MCF2L: variants seen among roughly 807,000 people sequenced by gnomAD.
The protein encoded by MCF2L is MCF.2 cell line derived transforming sequence like, also known as guanine nucleotide exchange factor DBS.
In MCF2L, 97 loss-of-function variants were observed where a neutral mutation model predicts 153.4. The observed-to-expected ratio is 0.63, with a 90% CI of 0.54 to 0.75. The LOEUF (loss-of-function observed/expected upper bound fraction) is 0.75. MCF2L is among the 30% of genes least tolerant of loss of function. MCF2L has a pLI of 0.00. For missense variants in MCF2L, 1,347 were observed against 1,495.2 expected (o/e 0.90, Z 1.64); for synonymous variants, 659 against 632.2 (o/e 1.04, Z -0.64).
intron 1 of MCF2L, among the ~76,000 whole-genome samples, chr13:112,989,802 A>G (rs995935826): frequency 6.6e-6 from 1 of 152,240 alleles, no homozygotes; most frequent in East Asian, 1.9e-4. Context: ...TAATTTGCCA[A>G]TCTCTTAAAC....
chr13:113,035,382 A>G lies in MCF2L; in HGVS notation c.279-9889A>G, dbSNP rs2086091901. 6.6e-6 allele frequency among the ~76,000 whole-genome samples: 1 copy of G among 152,134 alleles called. No homozygotes were observed. The highest frequency in any genetic ancestry group is 2.4e-5 in the African/African-American group (1 of 41,422). Reference sequence around the variant, plus strand: ...GTTTTTAATATTTACAAGCCACAGAATTATTTCCTGCAGCCACAGAGACTT... The same window carrying G: ...GTTTTTAATATTTACAAGCCACAGAGTTATTTCCTGCAGCCACAGAGACTT... On this transcript the variant is annotated intron_variant, in intron 3 of 29. Coordinates refer to ENST00000535094, the MANE Select transcript of MCF2L (RefSeq NM_001112732.3). The surrounding 1 kb of genome is among the most constrained non-coding windows in gnomAD (Gnocchi z 4.4).
rs2033212139 is a variant in MCF2L at position 113,074,291 on chromosome 13, C to CT, written c.997-150dup. On this transcript the variant is annotated intron_variant, in intron 9 of 29. Transcript: ENST00000535094. This position sits in a 1 kb window ranked among gnomAD's most constrained non-coding sequence, Gnocchi z 4.2. ...TTGATTGGTGACCACTCGGGGCCGACTTTGCACCTGTCTGACTGTGGTCCC... is the reference window on the plus strand; with the variant it reads ...TTGATTGGTGACCACTCGGGGCCGACTTTTGCACCTGTCTGACTGTGGTCCC... 6.6e-6 allele frequency among the ~76,000 whole-genome samples: 1 copy of CT among 152,108 alleles called. No individual in the cohort carries two copies. Among genetic ancestry groups the CT allele is most frequent in the Admixed American group, 6.5e-5 (1 of 15,282 alleles).
At chr13:112,966,375 C>G (rs948689592), upstream of MCF2L, among the ~76,000 whole-genome samples, 12 of 152,280 alleles carry the variant, frequency 7.9e-5, no homozygotes, top group African/African-American at 2.6e-4. The surrounding 1 kb of genome is among the most constrained non-coding windows in gnomAD (Gnocchi z 4.1). Context: ...GAGCAGAGCT[C>G]CCTCTTCCTC....
At chr13:113,090,615 A>G in intron 26 of MCF2L, 1 of 985,398 alleles carries the variant, frequency 1.0e-6, no homozygotes, top group Non-Finnish European at 1.2e-6. Flanking sequence ...TGCCCTGCTC[A>G]CCTGCGAGAG....
chr13:113,006,558 G>C (rs1396058917), intron 1 of MCF2L, among the ~76,000 whole-genome samples: 2 of 152,210 alleles, frequency 1.3e-5, no homozygotes, highest in African/African-American at 2.4e-5. Context: ...GCGGACAGGA[G>C]GTCCATGTGA....
chr13:113,042,954 A>G (rs561546850), intron 3 of MCF2L: 2 of 152,280 alleles, frequency 1.3e-5, no homozygotes, highest in East Asian at 3.9e-4. Flanking sequence ...AAAAGGGGAG[A>G]AATTGAGTCA....
At chr13:113,083,878 C>T (rs569831969) in intron 17 of MCF2L, 120 bp from the exon 18 acceptor site, 303 of 770,230 alleles carry the variant, frequency 3.9e-4, no homozygotes, top group African/African-American at 3.7e-3. Context: ...CCAAGTCATG[C>T]GGGGCAGATT....
At position 113,088,644 on chromosome 13, in the gene MCF2L, C is replaced by T; in HGVS notation, c.2834+16C>T. On this transcript the variant is annotated intron_variant, in intron 25 of 29. Transcript: ENST00000535094. ...CCAGCACCAGGTGAGAATGGACACG[C>T]TGCCGCAGGCCTGCGTTTCTGGAGC... 6.2e-7 allele frequency: 1 copy of T among 1,602,256 alleles called. No homozygotes were observed. The highest frequency in any genetic ancestry group is 1.1e-5 in the South Asian group (1 of 90,618).
At chr13:112,970,248 T>A (rs1355973971) in intron 1 of MCF2L, among the ~76,000 whole-genome samples, 1 of 152,232 alleles carries the variant, frequency 6.6e-6, no homozygotes, top group African/African-American at 2.4e-5. Flanking sequence ...TTATGTCATA[T>A]ATGCCATTAC....
chr13:112,961,976 GACATGCACACAC>G (rs1345674498), intron 2 of MCF2L, among the ~76,000 whole-genome samples: 4 of 152,114 alleles, frequency 2.6e-5, no homozygotes, highest in Admixed American at 6.6e-5. Flanking sequence ...ACAGCGAGGG[GACATGCACACAC>G]ACATGCACAC....
intron 1 of MCF2L, among the ~76,000 whole-genome samples, chr13:112,970,440 G>A (rs2082000805): frequency 6.6e-6 from 1 of 152,168 alleles, no homozygotes; most frequent in Admixed American, 6.5e-5. Flanking sequence ...TATGATCAAA[G>A]CTGCTGGGTT....
chr13:113,084,788 G>GATGCGGTGCCCGTCCCTCACCGCGTA, intron 18 of MCF2L, 104 bp from the exon 19 acceptor site: 16 of 848,954 alleles, frequency 1.9e-5, no homozygotes, highest in South Asian at 1.3e-4. Context: ...GACGCTGCGT[G>GATGCGGTGCCCGTCCCTCACCGCGTA]ATGCGGTGCC....
chr13:112,998,123 C>T (rs2083215866), intron 1 of MCF2L, among the ~76,000 whole-genome samples: 1 of 152,234 alleles, frequency 6.6e-6, no homozygotes, highest in Admixed American at 6.5e-5. Flanking sequence ...GTGTTCCGAA[C>T]CCCGTGCACA....
At chr13:113,069,989 C>A in intron 8 of MCF2L, 70 bp from the exon 9 acceptor site, 3 of 1,064,136 alleles carry the variant, frequency 2.8e-6, no homozygotes, top group South Asian at 1.4e-5. Context: ...GTCGCTTGAA[C>A]ACCCACCGCG....
At chr13:112,976,191 C>CGTGTGT (rs56098508) in intron 1 of MCF2L, among the ~76,000 whole-genome samples, 16 of 148,734 alleles carry the variant, frequency 1.1e-4, no homozygotes, top group Non-Finnish European at 2.1e-4. Context: ...TGTGTGTGTG[C>CGTGTGT]GTGTGTGTGT....
intron 1 of MCF2L, among the ~76,000 whole-genome samples, chr13:112,991,896 G>C (rs1322031511): frequency 6.6e-6 from 1 of 152,174 alleles, no homozygotes; most frequent in African/African-American, 2.4e-5. Context: ...ACAATTTCTT[G>C]TTAAAAGCAC....
intron 2 of MCF2L, among the ~76,000 whole-genome samples, chr13:113,015,275 C>T (rs2084432912): frequency 6.6e-6 from 1 of 152,246 alleles, no homozygotes; most frequent in Non-Finnish European, 1.5e-5. Context: ...GTGCCTGCAG[C>T]CATGGGGACA....
intron 2 of MCF2L, among the ~76,000 whole-genome samples, chr13:112,905,218 A>G (rs1425944581): frequency 1.3e-5 from 2 of 152,230 alleles, no homozygotes; most frequent in Non-Finnish European, 2.9e-5. Context: ...ACACCGAACA[A>G]AGGAGGAGAG....
rs1370301006 is a variant in MCF2L at position 113,051,546 on chromosome 13, A to G, written c.369+6185A>G. On this transcript the variant is annotated intron_variant, in intron 4 of 29. Coordinates refer to ENST00000535094, the MANE Select transcript of MCF2L (RefSeq NM_001112732.3). ...ATCCAGAGGCCCCAAGCCCTTCTTC[A>G]CTGTGTATTTCCTGGAACATGGAAT... 2.0e-5 allele frequency among the ~76,000 whole-genome samples: 3 copies of G among 152,100 alleles called. No individual in the cohort carries two copies. In the East Asian group the frequency reaches 5.8e-4, roughly 29 times the overall value.
Sources: gnomAD v4.1 joint callset for allele counts (sites outside exome capture counted in the v4.1 genomes callset) on GRCh38, gnomAD v4.1.1 for gene constraint, Gnocchi (gnomAD v3.1) non-coding constraint, MANE v1.5 for transcripts, NCBI Gene and HGNC (gene_info 2026-07-23, HGNC 2026-07-21) for gene names.